Variants in SLC9A3 observed in about 807,000 individuals in gnomAD.
SLC9A3 encodes the protein solute carrier family 9 member A3.
A neutral mutation model predicts 86.8 loss-of-function variants in SLC9A3; 37 were observed. That is an observed-to-expected ratio of 0.43 (90% confidence interval 0.33 to 0.56). The LOEUF (loss-of-function observed/expected upper bound fraction) is 0.56. Among genes scored for constraint, SLC9A3 ranks in the 20% least tolerant of loss-of-function variants. The pLI, the probability that SLC9A3 is intolerant of heterozygous loss-of-function variation, is 0.06. For synonymous variants in SLC9A3, 581 were observed against 528.3 expected, an observed-to-expected ratio of 1.10 and a Z score of -1.37; for missense variants, 1,011 against 1,171.9, an observed-to-expected ratio of 0.86 and a Z score of 2.00.
At chr5:485,381 A>C in intron 3 of SLC9A3, 150 bp from the exon 4 acceptor site, 1 of 688,136 alleles carries the variant, frequency 1.5e-6, no homozygotes, top group East Asian at 2.7e-5. Context: ...ATGGCCCCCA[A>C]AGGGGAGAAG....
intron 1 of SLC9A3, among the ~76,000 whole-genome samples, chr5:517,485 T>C (rs1460044479): frequency 6.7e-6 from 1 of 150,372 alleles, no homozygotes; most frequent in Non-Finnish European, 1.5e-5. Context: ...CACTCATCCA[T>C]CCATCAGTCC....
At chr5:489,439 A>T (rs1183089589) in intron 2 of SLC9A3, among the ~76,000 whole-genome samples, 1 of 152,078 alleles carries the variant, frequency 6.6e-6, no homozygotes, top group African/African-American at 2.4e-5. Flanking sequence ...TTGTCCCTGG[A>T]GCCGGACGGG....
intron 1 of SLC9A3, among the ~76,000 whole-genome samples, chr5:517,265 T>C (rs72704770): frequency 4.7e-5 from 7 of 150,142 alleles, no homozygotes; most frequent in South Asian, 2.1e-4. Flanking sequence ...ACTCACTCAT[T>C]CATCCATCCA....
At chr5:484,804 G>A in intron 4 of SLC9A3, 107 bp from the exon 5 acceptor site, 1 of 1,051,302 alleles carries the variant, frequency 9.5e-7, no homozygotes, top group South Asian at 1.5e-5. Flanking sequence ...AAACGGGGGT[G>A]GATCCCTCAC....
At chr5:504,059 C>T (rs951601178) in intron 1 of SLC9A3, among the ~76,000 whole-genome samples, 2 of 152,010 alleles carry the variant, frequency 1.3e-5, no homozygotes, top group African/African-American at 4.8e-5. Context: ...ATGAAACCGT[C>T]TTCATCAATC....
At chr5:509,486 G>A (rs1176479245) in intron 1 of SLC9A3, among the ~76,000 whole-genome samples, 1 of 136,394 alleles carries the variant, frequency 7.3e-6, no homozygotes, top group African/African-American at 2.7e-5. Context: ...AGGGAGGGAG[G>A]GAGGGAAAGA....
intron 1 of SLC9A3, among the ~76,000 whole-genome samples, chr5:503,478 G>A (rs566045073): frequency 1.3e-5 from 2 of 152,218 alleles, no homozygotes; most frequent in Non-Finnish European, 2.9e-5. Flanking sequence ...GGTTGAGGCT[G>A]CACCCCAGTC....
intron 1 of SLC9A3, among the ~76,000 whole-genome samples, chr5:502,321 C>T (rs931070436): frequency 4.6e-5 from 7 of 152,140 alleles, no homozygotes; most frequent in African/African-American, 9.7e-5. Flanking sequence ...TTATTAGCAG[C>T]GTGAGAACAG....
At chr5:519,827 AG>A (rs1181061682) in intron 1 of SLC9A3, among the ~76,000 whole-genome samples, 1 of 131,876 alleles carries the variant, frequency 7.6e-6, no homozygotes, top group Non-Finnish European at 1.7e-5. Context: ...CGCCGCTCAG[AG>A]GGGGGTGGGG....
chr5:510,017 G>A (rs1257389693), intron 1 of SLC9A3, among the ~76,000 whole-genome samples: 4 of 152,246 alleles, frequency 2.6e-5, no homozygotes, highest in Non-Finnish European at 4.4e-5. Flanking sequence ...GAGAAGAGGG[G>A]CTCCAACGAT....
At chr5:475,256 C>T in intron 15 of SLC9A3, 124 bp from the exon 16 acceptor site, 2 of 1,026,664 alleles carry the variant, frequency 1.9e-6, no homozygotes, top group East Asian at 2.4e-5. Context: ...GTTAGGGTCA[C>T]GTGCCTTTCA....
chr5:483,971 C>T (rs969583244), intron 5 of SLC9A3, among the ~76,000 whole-genome samples: 2 of 152,274 alleles, frequency 1.3e-5, no homozygotes, highest in African/African-American at 4.8e-5. Context: ...CTGTACTTCC[C>T]CTCACGGGGG....
At position 472,313 on chromosome 5, in the gene SLC9A3, TCTC is replaced by T; in HGVS notation, c.*1063_*1065del. Reference sequence around the variant, plus strand: ...GACAGGCTCAGGGGTCTCAGCAGGTTCTCCTTGGAGGGCCTGAGCCTGGTAGGG... The same window carrying T: ...GACAGGCTCAGGGGTCTCAGCAGGTTCTTGGAGGGCCTGAGCCTGGTAGGG... On this transcript the variant is annotated 3_prime_UTR_variant, in exon 17 of 17. Transcript: ENST00000264938. 5.9e-6 allele frequency: 2 copies of T among 338,078 alleles called. No individual in the cohort carries two copies. The highest frequency in any genetic ancestry group is 1.6e-4 in the East Asian group (2 of 12,378). The allele number at this position is 338,078 out of a possible 1,614,324, so 20.9% of individuals were successfully genotyped here.
At chr5:494,421 G>T (rs1739929271) in intron 1 of SLC9A3, among the ~76,000 whole-genome samples, 1 of 152,212 alleles carries the variant, frequency 6.6e-6, no homozygotes, top group South Asian at 2.1e-4. Flanking sequence ...GGCAGCCTGG[G>T]ACCCCCTCCA....
At chr5:483,987 G>A (rs572345676) in intron 5 of SLC9A3, among the ~76,000 whole-genome samples, 8 of 152,256 alleles carry the variant, frequency 5.3e-5, no homozygotes, top group Non-Finnish European at 8.8e-5. Context: ...GGGGGTTCAC[G>A]GGGAACTTGG....
At chr5:488,564 G>T in intron 2 of SLC9A3, 88 bp from the exon 3 acceptor site, 1 of 1,342,772 alleles carries the variant, frequency 7.4e-7, no homozygotes, top group Non-Finnish European at 9.9e-7. Flanking sequence ...ACGGGTCGGG[G>T]TTCGGAGCCC....
rs913287908 is a variant in SLC9A3 at position 472,562 on chromosome 5, C to A, written c.*817G>T. On this transcript the variant is annotated 3_prime_UTR_variant, in exon 17 of 17. Coordinates refer to ENST00000264938, the MANE Select transcript of SLC9A3 (RefSeq NM_004174.4). Reference sequence around the variant, plus strand: ...GGGGACGGGCCGTGTCCGGGGCCGCCACCCTGAGACCGGGCGCGGGCAGGA... The same window carrying A: ...GGGGACGGGCCGTGTCCGGGGCCGCAACCCTGAGACCGGGCGCGGGCAGGA... 2.9e-6 allele frequency: 1 copy of A among 348,588 alleles called. No individual in the cohort carries two copies. Among genetic ancestry groups the A allele is most frequent in the African/African-American group, 2.3e-5 (1 of 44,356 alleles). The allele number at this position is 348,588 out of a possible 1,614,324, so 21.6% of individuals were successfully genotyped here.
rs1445153857 is a variant in SLC9A3 at position 496,089 on chromosome 5, C to T, written c.212-4018G>A. ...GTAAGCCCTTAAAATCCACAGAAAA[C>T]ATCCTCTGACCTTGGTAGTTACTGA... On this transcript the variant is annotated intron_variant, in intron 1 of 16. Transcript: ENST00000264938. The surrounding 1 kb of genome is among the most constrained non-coding windows in gnomAD (Gnocchi z 4.7). Among the ~76,000 whole-genome samples, 1 of 152,266 alleles carries T rather than the reference C, an allele frequency of 6.6e-6. No homozygotes were observed. Among genetic ancestry groups the T allele is most frequent in the Non-Finnish European group, 1.5e-5 (1 of 68,056 alleles).
At chr5:484,013 A>G (rs11747879) in intron 5 of SLC9A3, among the ~76,000 whole-genome samples, 31,642 of 152,046 alleles carry the variant, frequency 0.21, 4,268 homozygotes, top group Non-Finnish European at 0.29. Context: ...CAGAGCCCGG[A>G]GCTTCTGCCA....
Sources: gnomAD v4.1 joint callset for allele counts (sites outside exome capture counted in the v4.1 genomes callset) on GRCh38, gnomAD v4.1.1 for gene constraint, Gnocchi (gnomAD v3.1) non-coding constraint, MANE v1.5 for transcripts, NCBI Gene and HGNC (gene_info 2026-07-23, HGNC 2026-07-21) for gene names.